The following TTK variants were observed in gnomAD, a reference collection of about 807,000 sequenced individuals.
The protein encoded by TTK is dual specificity protein kinase TTK.
Under a neutral mutation model 117.3 loss-of-function variants are expected in TTK, and 59 were observed. The ratio of observed to expected loss-of-function variants is 0.50; its 90% confidence interval spans 0.41 to 0.62. TTK has a LOEUF of 0.62. TTK is among the 20% of genes least tolerant of loss of function. The pLI, the probability that TTK is intolerant of heterozygous loss-of-function variation, is 0.00. For missense variants in TTK, 921 were observed against 989.4 expected (o/e 0.93, Z 0.93); for synonymous variants, 302 against 325.0 (o/e 0.93, Z 0.76).
intron 2 of TTK, 47 bp downstream of exon 2, chr6:80,006,029 C>G: frequency 6.3e-7 from 1 of 1,579,516 alleles, no homozygotes; most frequent in Non-Finnish European, 8.6e-7. Context: ...GTTGGGTATC[C>G]TCTAAGGTAA....
At chr6:80,009,599 T>G (rs1038505814) in intron 4 of TTK, among the ~76,000 whole-genome samples, 5 of 152,164 alleles carry the variant, frequency 3.3e-5, no homozygotes, top group African/African-American at 1.2e-4. Context: ...TTAGAACATG[T>G]AAATATTGAA....
intron 4 of TTK, among the ~76,000 whole-genome samples, 187 bp from the exon 5 acceptor site, chr6:80,010,627 G>C (rs752966444): frequency 2.6e-5 from 4 of 151,464 alleles, no homozygotes; most frequent in Non-Finnish European, 4.4e-5. Flanking sequence ...AAGAGAGTTG[G>C]TTATCTGCAT....
rs1410287808 is a variant in TTK at position 80,032,445 on chromosome 6, A to C, written c.1614+886A>C. Among the ~76,000 whole-genome samples, 5 of 152,284 alleles carry C rather than the reference A, an allele frequency of 3.3e-5. No homozygotes were observed. In the East Asian group the frequency reaches 7.7e-4, roughly 23 times the overall value. On this transcript the variant is annotated intron_variant, in intron 14 of 21. Transcript: ENST00000369798. ...TTCTCTTTCAATCTTGTGGTTTCAA[A>C]TAACATGTGTATGCTGACAATTCCC...
intron 13 of TTK, among the ~76,000 whole-genome samples, chr6:80,030,270 C>G (rs1282624231): frequency 7.2e-5 from 11 of 152,128 alleles, no homozygotes; most frequent in Admixed American, 7.2e-4. Flanking sequence ...AGCACTCCAT[C>G]TGTTCAAAGC....
chr6:80,013,696 T>A (rs1406906399), intron 9 of TTK: 1 of 172,996 alleles, frequency 5.8e-6, no homozygotes, highest in East Asian at 1.6e-4. Flanking sequence ...GTTTTGTTTT[T>A]TGTTATGTTT....
chr6:80,026,023 A>G (rs1767595423), intron 11 of TTK, among the ~76,000 whole-genome samples: 1 of 152,166 alleles, frequency 6.6e-6, no homozygotes, highest in South Asian at 2.1e-4. Context: ...TATTGATTAA[A>G]GAAAGGCTGA....
chr6:80,011,621 A>G lies in TTK; in HGVS notation c.728+73A>G, dbSNP rs529097197. The G allele has an allele frequency of 3.3e-5, 50 of 1,527,220 alleles. No individual in the cohort carries two copies. The African/African-American group carries it at 6.5e-4, about 20-fold the overall frequency. 94.6% of individuals were successfully genotyped at this position (1,527,220 alleles called of 1,614,324 possible). On this transcript the variant is annotated intron_variant, in intron 6 of 21. Transcript: ENST00000369798. ...CATCTGTGTTTTTTAATGTAATTAC[A>G]TGTATCTGCATATATGTTTTCATGT...
intron 13 of TTK, among the ~76,000 whole-genome samples, chr6:80,029,461 A>G (rs1409696306): frequency 6.6e-6 from 1 of 152,222 alleles, no homozygotes; most frequent in Non-Finnish European, 1.5e-5. Context: ...AAAATGATCC[A>G]GTTTGTTCAT....
intron 4 of TTK, 76 bp downstream of exon 4, chr6:80,008,568 A>G (rs1192247093): frequency 2.3e-6 from 3 of 1,319,594 alleles, no homozygotes; most frequent in Non-Finnish European, 3.1e-6. Flanking sequence ...ATTAAATCAT[A>G]TATATGAAGT....
chr6:80,039,872 G>T lies in TTK; in HGVS notation c.2307G>T (p.Lys769Asn). The stretch of plus-strand genomic sequence containing the variant: ...AGAAAGATCTTCAAGATGTGTTAAA[G>T]GTAATATTAATTTCATGTAACTAAT... Reference protein sequence around the residue: ...IPEKDLQDVLKCCLKRDPKQR... With the variant: ...IPEKDLQDVLNCCLKRDPKQR... Residue 769 changes from lysine to asparagine, a missense_variant and splice_region_variant, in exon 19 of 22, where the codon AAG becomes AAT. Lys to Asn is a moderately conservative substitution (Grantham distance 94). Transcript: ENST00000369798. 6.5e-7 allele frequency: 1 copy of T among 1,537,486 alleles called. No individual in the cohort carries two copies. The highest frequency in any genetic ancestry group is 1.4e-5 in the African/African-American group (1 of 71,314).
In TTK at chr6:80,022,407, C is replaced by T; in HGVS notation, c.1192C>T (p.Gln398Ter). ...TAAGAGAAAGTCAGAGTGTATTAAC[C>T]AGAATCCTGCTGCATCTTCAAATCA... ...QSKRKSECINQNPAASSNHWQ... is the reference protein window; with the variant it reads ...QSKRKSECIN The change falls in exon 11 of 22, where the codon CAG becomes TAG. Residue 398 changes from glutamine to a stop codon, truncating the protein, a stop_gained. Transcript: ENST00000369798. LOFTEE classifies it high-confidence loss of function. 1.2e-6 allele frequency: 2 copies of T among 1,613,928 alleles called. No individual in the cohort carries two copies. Among genetic ancestry groups the T allele is most frequent in the Non-Finnish European group, 1.7e-6 (2 of 1,179,912 alleles).
Position 80,034,668 on chromosome 6 carries a change from T to G in TTK, c.1615-317T>G, listed in dbSNP as rs138351238. ...GGAAAGTCTTTTTCTTTATGCTGTT[T>G]CCCTGTTTAGGGCATCCAACAGATT... On this transcript the variant is annotated intron_variant, in intron 14 of 21. Transcript: ENST00000369798. 2.0e-3 allele frequency among the ~76,000 whole-genome samples: 300 copies of G among 152,252 alleles called. 4 individuals are homozygous for G. Among genetic ancestry groups the G allele is most frequent in the Non-Finnish European group, 3.3e-3 (226 of 68,008 alleles).
chr6:80,031,025 G>T (rs1767745435), intron 13 of TTK, among the ~76,000 whole-genome samples: 1 of 147,918 alleles, frequency 6.8e-6, no homozygotes, highest in East Asian at 2.0e-4. Flanking sequence ...AGTCTGGGAG[G>T]CAGAGTGAGA....
intron 18 of TTK, 59 bp downstream of exon 18, chr6:80,038,106 T>G: frequency 7.7e-7 from 1 of 1,291,036 alleles, no homozygotes; most frequent in Non-Finnish European, 1.1e-6. Context: ...TGCACTATTT[T>G]CTGAATAAAC....
chr6:80,031,617 T>C, intron 14 of TTK, 58 bp downstream of exon 14: 2 of 1,327,562 alleles, frequency 1.5e-6, no homozygotes, highest in Non-Finnish European at 2.0e-6. Flanking sequence ...TTCTGTTTTT[T>C]TGTCTTTTTA....
At chr6:80,024,280 A>G (rs1767546230) in intron 11 of TTK, among the ~76,000 whole-genome samples, 1 of 152,254 alleles carries the variant, frequency 6.6e-6, no homozygotes, top group African/African-American at 2.4e-5. Flanking sequence ...AATTGAAAAC[A>G]TACATCCACA....
At chr6:80,016,857 T>C (rs1474462754) in intron 10 of TTK, among the ~76,000 whole-genome samples, 1 of 152,168 alleles carries the variant, frequency 6.6e-6, no homozygotes, top group African/African-American at 2.4e-5. Flanking sequence ...GAGCCATAAA[T>C]CTTAAATATT....
chr6:80,033,218 A>G (rs1183802263), intron 14 of TTK, among the ~76,000 whole-genome samples: 1 of 152,164 alleles, frequency 6.6e-6, no homozygotes, highest in Admixed American at 6.5e-5. Context: ...AAGTGAGAAC[A>G]TGAGGTATTT....
At chr6:80,038,453 G>T (rs1752899113) in intron 18 of TTK, among the ~76,000 whole-genome samples, 1 of 151,944 alleles carries the variant, frequency 6.6e-6, no homozygotes, top group Non-Finnish European at 1.5e-5. Context: ...ATTGTCCCAG[G>T]GACCTGTATT....
Sources: allele counts gnomAD v4.1 joint callset (sites outside exome capture counted in the v4.1 genomes callset), GRCh38; gene constraint gnomAD v4.1.1; transcripts MANE v1.5; gene names NCBI Gene and HGNC (gene_info 2026-07-23, HGNC 2026-07-21).